PRKCH: variants seen among roughly 807,000 people sequenced by gnomAD.
The protein encoded by PRKCH is protein kinase C eta.
A neutral mutation model predicts 82.5 loss-of-function variants in PRKCH; 28 were observed. That is an observed-to-expected ratio of 0.34 (90% confidence interval 0.25 to 0.47). The LOEUF is 0.47. Ranked by LOEUF, PRKCH falls within the 20% of genes least tolerant of loss-of-function variation. The probability of loss-of-function intolerance (pLI) is 1.00; values close to 1 mark genes in which losing one functional copy is unlikely to be tolerated. For missense variants in PRKCH, 705 were observed against 881.8 expected (o/e 0.80, Z 2.54); for synonymous variants, 322 against 327.4 (o/e 0.98, Z 0.18).
intron 1 of PRKCH, among the ~76,000 whole-genome samples, chr14:61,381,343 A>T (rs1177853416): frequency 6.6e-6 from 1 of 152,208 alleles, no homozygotes; most frequent in Non-Finnish European, 1.5e-5. Context: ...ATTTGAAACC[A>T]GTCAGATTTG....
intron 1 of PRKCH, among the ~76,000 whole-genome samples, chr14:61,221,909 G>C (rs2044658800): frequency 6.6e-6 from 1 of 152,182 alleles, no homozygotes; most frequent in African/African-American, 2.4e-5. Flanking sequence ...TTTGCTAAAA[G>C]GCAGCCTGGG....
intron 1 of PRKCH, among the ~76,000 whole-genome samples, chr14:61,213,053 G>A (rs754496806): frequency 1.7e-4 from 26 of 152,100 alleles, no homozygotes; most frequent in Non-Finnish European, 3.4e-4. Context: ...AGAGGGGTGG[G>A]TAGAGAAAAA....
At chr14:61,396,094 AAAAAG>A (rs1229804661) in intron 2 of PRKCH, among the ~76,000 whole-genome samples, 6 of 151,740 alleles carry the variant, frequency 4.0e-5, no homozygotes, top group East Asian at 1.9e-4. Context: ...AAAAAAAAAA[AAAAAG>A]AAAAGAAAAG....
intron 1 of PRKCH, among the ~76,000 whole-genome samples, chr14:61,201,586 G>A (rs1193952964): frequency 1.3e-5 from 2 of 151,996 alleles, no homozygotes; most frequent in East Asian, 3.9e-4. Context: ...TAAAGTTAGG[G>A]GAAAGAGAGG....
At chr14:61,242,035 C>G (rs909333137) in intron 1 of PRKCH, among the ~76,000 whole-genome samples, 1 of 152,102 alleles carries the variant, frequency 6.6e-6, no homozygotes, top group African/African-American at 2.4e-5. Context: ...TCTAAAAAAT[C>G]CCATATAATA....
intron 2 of PRKCH, among the ~76,000 whole-genome samples, chr14:61,436,447 CTA>C (rs1351554168): frequency 4.0e-4 from 4 of 10,086 alleles, no homozygotes; most frequent in Non-Finnish European, 0.018. Flanking sequence ...TTGGAAATAA[CTA>C]TGAGTACATA....
chr14:61,329,825 G>A (rs1325711425), intron 1 of PRKCH, among the ~76,000 whole-genome samples: 2 of 152,150 alleles, frequency 1.3e-5, no homozygotes, highest in South Asian at 2.1e-4. Context: ...CTGAAAGAAC[G>A]GACGTATGAA....
chr14:61,286,829 G>A (rs2045320315), intron 1 of PRKCH, among the ~76,000 whole-genome samples: 1 of 152,106 alleles, frequency 6.6e-6, no homozygotes, highest in Non-Finnish European at 1.5e-5. Flanking sequence ...AGTTGCAGGG[G>A]GCAGTATAAA....
intron 1 of PRKCH, among the ~76,000 whole-genome samples, chr14:61,283,037 ATT>A (rs112461509): frequency 2.0e-5 from 3 of 146,358 alleles, no homozygotes; most frequent in Non-Finnish European, 3.0e-5. Flanking sequence ...ACTTTTGTAG[ATT>A]TTTTTTTTTT....
At chr14:61,469,337 T>G (rs1023402571) in intron 9 of PRKCH, among the ~76,000 whole-genome samples, 14 of 152,346 alleles carry the variant, frequency 9.2e-5, no homozygotes, top group South Asian at 8.3e-4. Flanking sequence ...ATAGTCCTTA[T>G]GCTACAAAAG....
At chr14:61,479,929 C>T (rs1308100024) in intron 9 of PRKCH, among the ~76,000 whole-genome samples, 2 of 152,220 alleles carry the variant, frequency 1.3e-5, no homozygotes. Context: ...GTGTTCATCA[C>T]CCCATGTTAA....
chr14:61,435,703 T>TG (rs1883643205), intron 2 of PRKCH, among the ~76,000 whole-genome samples: 2 of 49,030 alleles, frequency 4.1e-5, no homozygotes, highest in African/African-American at 9.2e-5. Context: ...TATCTCAATA[T>TG]AAATGAATGA....
chr14:61,322,311 G>A lies in PRKCH; in HGVS notation c.210G>A (p.Glu70=). The A allele has an allele frequency of 6.2e-7, 1 of 1,613,368 alleles. No homozygotes were observed. The highest frequency in any genetic ancestry group is 8.5e-7 in the Non-Finnish European group (1 of 1,179,894). ...KQKTNKPTYN[E]EFCANVTDGG... ...AGACCAACAAACCCACGTACAACGAGGAGTTTTGCGCTAACGTCACCGACG... is the reference window on the plus strand; with the variant it reads ...AGACCAACAAACCCACGTACAACGAAGAGTTTTGCGCTAACGTCACCGACG... The change falls in exon 1 of 14, where the codon GAG becomes GAA. Residue 70 remains glutamate (E), a synonymous_variant. Transcript: ENST00000332981.
intron 1 of PRKCH, among the ~76,000 whole-genome samples, chr14:61,258,061 A>T (rs2045015302): frequency 6.6e-6 from 1 of 152,178 alleles, no homozygotes. Flanking sequence ...TGCCATGGGC[A>T]CTTTAGCCAC....
chr14:61,192,020 G>GTA (rs2044409957), intron 1 of PRKCH, among the ~76,000 whole-genome samples: 3 of 63,116 alleles, frequency 4.8e-5, no homozygotes, highest in African/African-American at 1.3e-4. Flanking sequence ...CTAAAACATT[G>GTA]TGTGTGTGTG....
At chr14:61,351,119 A>C (rs2046068504) in intron 1 of PRKCH, among the ~76,000 whole-genome samples, 1 of 152,234 alleles carries the variant, frequency 6.6e-6, no homozygotes, top group Non-Finnish European at 1.5e-5. Flanking sequence ...AAATTGCAGA[A>C]GTTTCATAAA....
intron 10 of PRKCH, among the ~76,000 whole-genome samples, chr14:61,487,342 G>T (rs72712342): frequency 1.3e-5 from 2 of 152,126 alleles, no homozygotes; most frequent in Non-Finnish European, 2.9e-5. Context: ...CTTAGGTCAC[G>T]GGGCTGCAGC....
Position 61,286,429 on chromosome 14 carries a change from G to A in PRKCH, c.-19+98761G>A, listed in dbSNP as rs545123345. On this transcript the variant is annotated intron_variant, in intron 1 of 3. Coordinates refer to the PRKCH transcript ENST00000555185. ...CACCAGAGGCACAAAAGACAGAAGC[G>A]AATTCTCTCCACTCCCTGCCACGGT... Among the ~76,000 whole-genome samples, 9 of 152,264 alleles carry A rather than the reference G, an allele frequency of 5.9e-5. No homozygotes were observed. In the South Asian group the frequency reaches 6.2e-4, roughly 11 times the overall value.
intron 1 of PRKCH, among the ~76,000 whole-genome samples, chr14:61,380,426 C>T (rs1189443079): frequency 6.6e-6 from 1 of 152,088 alleles, no homozygotes; most frequent in Non-Finnish European, 1.5e-5. Context: ...TCTTGCCTGG[C>T]ATCCTGGTGC....
Sources: allele counts gnomAD v4.1 joint callset (sites outside exome capture counted in the v4.1 genomes callset), GRCh38; gene constraint gnomAD v4.1.1; transcripts MANE v1.5; gene names NCBI Gene and HGNC (gene_info 2026-07-23, HGNC 2026-07-21).